Variants in SFSWAP observed in about 807,000 individuals in gnomAD.
The protein encoded by SFSWAP is splicing factor SWAP.
SFSWAP carries 17 observed loss-of-function variants against 100.7 expected under a neutral mutation model. The ratio of observed to expected loss-of-function variants is 0.17; its 90% CI spans 0.12 to 0.25. The LOEUF (loss-of-function observed/expected upper bound fraction) is 0.25, where lower values mean the gene tolerates loss of function less well. SFSWAP is among the 10% of genes least tolerant of loss of function. The pLI, the probability that SFSWAP is intolerant of heterozygous loss-of-function variation, is 1.00. For missense variants in SFSWAP, 1,005 were observed against 1,262.6 expected (o/e 0.80, Z 3.09); for synonymous variants, 504 against 510.1 (o/e 0.99, Z 0.16).
chr12:131,717,139 T>G (rs997805713), intron 3 of SFSWAP, among the ~76,000 whole-genome samples: 3 of 152,156 alleles, frequency 2.0e-5, no homozygotes, highest in Non-Finnish European at 4.4e-5. Flanking sequence ...TGTAATAGAA[T>G]CCAGTACCAC....
At chr12:131,732,529 G>A (rs1317252378) in intron 7 of SFSWAP, among the ~76,000 whole-genome samples, 1 of 152,198 alleles carries the variant, frequency 6.6e-6, no homozygotes, top group Non-Finnish European at 1.5e-5. Context: ...TTCTGTCTTG[G>A]GCACACCCAG....
At chr12:131,717,125 A>G (rs1877997423) in intron 3 of SFSWAP, among the ~76,000 whole-genome samples, 1 of 152,210 alleles carries the variant, frequency 6.6e-6, no homozygotes, top group African/African-American at 2.4e-5. Context: ...ACATACGTGC[A>G]TATTGTAATA....
intron 13 of SFSWAP, among the ~76,000 whole-genome samples, chr12:131,767,238 A>G (rs11246801): frequency 0.82 from 124,953 of 152,216 alleles, 53,768 homozygotes; most frequent in East Asian, 0.96. Context: ...CAGGAAACAC[A>G]TGCCTTCCGC....
chr12:131,746,829 G>T (rs985485898), intron 7 of SFSWAP, among the ~76,000 whole-genome samples: 5 of 152,202 alleles, frequency 3.3e-5, no homozygotes, highest in African/African-American at 1.2e-4. Context: ...TGCTGGCCGG[G>T]CATGCTGGCT....
chr12:131,716,113 T>TC (rs1443300404), intron 3 of SFSWAP, among the ~76,000 whole-genome samples: 1 of 152,212 alleles, frequency 6.6e-6, no homozygotes, highest in Non-Finnish European at 1.5e-5. Flanking sequence ...ATCGGCACTC[T>TC]CCAAGGGCTG....
chr12:131,748,053 G>A (rs998980397), intron 7 of SFSWAP, among the ~76,000 whole-genome samples: 5 of 152,146 alleles, frequency 3.3e-5, no homozygotes, highest in African/African-American at 1.2e-4. Context: ...CTGGAGAGCC[G>A]GGAGACAGGA....
At chr12:131,793,944 C>T (rs569963967) in intron 15 of SFSWAP, among the ~76,000 whole-genome samples, 1 of 152,072 alleles carries the variant, frequency 6.6e-6, no homozygotes, top group Non-Finnish European at 1.5e-5. Flanking sequence ...CGGCTGCGCT[C>T]TCAGACACTG....
intron 14 of SFSWAP, among the ~76,000 whole-genome samples, chr12:131,780,629 A>C (rs1161211374): frequency 1.3e-5 from 2 of 152,222 alleles, no homozygotes; most frequent in Non-Finnish European, 2.9e-5. Context: ...ACGCCACTGC[A>C]CTCCAGCCTG....
chr12:131,726,145 G>A (rs192937300), intron 5 of SFSWAP, among the ~76,000 whole-genome samples: 2 of 151,344 alleles, frequency 1.3e-5, no homozygotes, highest in South Asian at 2.1e-4. Flanking sequence ...ATGGTATTTT[G>A]ACAAGTCTAT....
chr12:131,762,912 T>A (rs1386082185), intron 11 of SFSWAP, among the ~76,000 whole-genome samples: 1 of 152,162 alleles, frequency 6.6e-6, no homozygotes, highest in African/African-American at 2.4e-5. Flanking sequence ...TTTTTTTTTC[T>A]TATGGAAAAT....
chr12:131,793,104 T>G (rs78613144), intron 15 of SFSWAP, among the ~76,000 whole-genome samples: 1 of 151,958 alleles, frequency 6.6e-6, no homozygotes, highest in Admixed American at 6.6e-5. Flanking sequence ...TTTTTTTTTT[T>G]GAGACAGGGT....
chr12:131,766,073 A>G, intron 12 of SFSWAP, 45 bp from the exon 13 acceptor site: 1 of 1,553,784 alleles, frequency 6.4e-7, no homozygotes, highest in Non-Finnish European at 8.7e-7. Flanking sequence ...CAGATAAAAT[A>G]CTGTTTGCTC....
rs1162325575 is a variant in SFSWAP at position 131,756,592 on chromosome 12, G to A, written c.1668G>A (p.Gly556=). 1.2e-6 allele frequency: 2 copies of A among 1,612,802 alleles called. No homozygotes were observed. The highest frequency in any genetic ancestry group is 2.2e-5 in the South Asian group (2 of 90,936). Residue 556 remains glycine, a synonymous_variant, in exon 11 of 18, where the codon GGG becomes GGA. Coordinates refer to ENST00000261674, the MANE Select transcript of SFSWAP (RefSeq NM_004592.4). The stretch of plus-strand genomic sequence containing the variant: ...TGGGAGCACGGGCAGGCTCAGGCGG[G>A]AAGAAGGAGGCATCGTCCAGTAAGA... ...AEVGARAGSG[G]KKEASSSKTV...
At chr12:131,785,286 A>AG in intron 14 of SFSWAP, 6 of 1,329,174 alleles carry the variant, frequency 4.5e-6, no homozygotes, top group Non-Finnish European at 5.8e-6. Context: ...AAGGTCTGGG[A>AG]AAAAATCAAA....
chr12:131,768,178 G>A (rs569223845), intron 13 of SFSWAP, among the ~76,000 whole-genome samples: 24 of 152,378 alleles, frequency 1.6e-4, no homozygotes, highest in African/African-American at 5.3e-4. Flanking sequence ...GGGAAACACA[G>A]CACTGCATGC....
At position 131,756,567 on chromosome 12, in the gene SFSWAP, T is replaced by C; in HGVS notation, c.1643T>C (p.Val548Ala). Residue 548 changes from valine (V) to alanine (A), a missense_variant, in exon 11 of 18, where the codon GTG becomes GCG. Around this residue, in one of 7 missense-constraint regions of SFSWAP, gnomAD observed 311 missense variants for 317.8 expected, o/e 0.98. Coordinates refer to ENST00000261674, the MANE Select transcript of SFSWAP (RefSeq NM_004592.4). ...EDGAPEDAAE[V>A]GARAGSGGKK... ...GGCGCGCCTGAAGACGCAGCCGAGGTGGGAGCACGGGCAGGCTCAGGCGGG... is the reference window on the plus strand; with the variant it reads ...GGCGCGCCTGAAGACGCAGCCGAGGCGGGAGCACGGGCAGGCTCAGGCGGG... 6.2e-7 allele frequency: 1 copy of C among 1,613,040 alleles called. No homozygotes were observed.
Position 131,799,117 on chromosome 12 carries a change from G to A in SFSWAP, c.2790+8G>A. The A allele has an allele frequency of 6.2e-7, 1 of 1,610,006 alleles. No individual in the cohort carries two copies. Among genetic ancestry groups the A allele is most frequent in the East Asian group, 2.2e-5 (1 of 44,872 alleles). On this transcript the variant is annotated splice_region_variant and intron_variant, in intron 17 of 17. Transcript: ENST00000261674. ...CAGAGCAAAATCACTCAGGTCAGTG[G>A]GCACGCCCCCCTCCCGCTCCCAGCC...
intron 7 of SFSWAP, among the ~76,000 whole-genome samples, chr12:131,739,647 G>A (rs1021193327): frequency 1.4e-5 from 2 of 138,796 alleles, no homozygotes; most frequent in African/African-American, 5.4e-5. Context: ...CTGGGTTCAC[G>A]CCATTCTTCT....
At chr12:131,785,171 C>G in intron 14 of SFSWAP, 2 of 1,535,688 alleles carry the variant, frequency 1.3e-6, no homozygotes, top group Non-Finnish European at 1.7e-6. Flanking sequence ...GCAGCCTCGA[C>G]CACCACCAGA....
Sources: gnomAD v4.1 joint callset for allele counts (sites outside exome capture counted in the v4.1 genomes callset) on GRCh38, gnomAD v4.1.1 for gene constraint, gnomAD v4.1.1 regional missense constraint, MANE v1.5 for transcripts, NCBI Gene and HGNC (gene_info 2026-07-23, HGNC 2026-07-21) for gene names.